Variants in RARB observed in about 807,000 individuals in gnomAD.
The protein encoded by RARB is HBV-activated protein.
In RARB, 17 loss-of-function variants were observed where a neutral mutation model predicts 51.9. That is an observed-to-expected ratio of 0.33 (90% CI 0.22 to 0.49). The LOEUF is 0.49. RARB is among the 20% of genes least tolerant of loss of function. RARB has a pLI of 0.99. For synonymous variants in RARB, 215 were observed against 195.4 expected, an observed-to-expected ratio of 1.10 and a Z score of -0.84; for missense variants, 369 against 550.8, an observed-to-expected ratio of 0.67 and a Z score of 3.30.
At chr3:25,281,546 A>C (rs894102052) in intron 5 of RARB, among the ~76,000 whole-genome samples, 2 of 152,214 alleles carry the variant, frequency 1.3e-5, no homozygotes, top group African/African-American at 4.8e-5. Context: ...TAACAAATAC[A>C]ATCAAAAGGA....
intron 3 of RARB, among the ~76,000 whole-genome samples, chr3:25,540,308 G>A (rs965527317): frequency 5.9e-5 from 9 of 152,158 alleles, no homozygotes; most frequent in African/African-American, 1.7e-4. Flanking sequence ...GAAGGAAAGC[G>A]GTTTAGGCTT....
intron 3 of RARB, among the ~76,000 whole-genome samples, chr3:25,506,001 C>G (rs1171834561): frequency 6.6e-6 from 1 of 152,030 alleles, no homozygotes; most frequent in Admixed American, 6.5e-5. Flanking sequence ...GAGTAAAGCC[C>G]TAGAAAGCCT....
At chr3:25,028,418 G>C (rs1697799201) in intron 2 of RARB, among the ~76,000 whole-genome samples, 2 of 152,166 alleles carry the variant, frequency 1.3e-5, no homozygotes, top group African/African-American at 4.8e-5. Flanking sequence ...TGTCACCTGG[G>C]AACTTGCCAG....
chr3:24,961,250 G>T (rs1696133374), intron 2 of RARB, among the ~76,000 whole-genome samples: 1 of 152,152 alleles, frequency 6.6e-6, no homozygotes, highest in African/African-American at 2.4e-5. Flanking sequence ...CATCTACTGT[G>T]CCAGGTACCC....
Position 24,860,247 on chromosome 3 carries a change from G to A in RARB, c.-380+1495G>A, listed in dbSNP as rs143984924. Among the ~76,000 whole-genome samples the A allele has an allele frequency of 3.3e-3, 503 of 152,272 alleles. 1 individual carries two copies. Among genetic ancestry groups the A allele is most frequent in the African/African-American group, 0.012 (482 of 41,550 alleles). ...ATTGAAGTCACCTGGCGCATCTTGG[G>A]TGTTGATTCTGATTGTTCTAGGAAT... On this transcript the variant is annotated intron_variant, in intron 2 of 11. Coordinates refer to the RARB transcript ENST00000383772.
chr3:25,286,565 T>C (rs78789840), intron 5 of RARB, among the ~76,000 whole-genome samples: 3,095 of 152,306 alleles, frequency 0.02, 41 homozygotes, highest in Admixed American at 0.034. Context: ...ATACACCCTG[T>C]TCAAAAATGT....
chr3:25,460,426 A>ATTTT (rs1695118785), intron 1 of RARB, among the ~76,000 whole-genome samples: 1 of 94,834 alleles, frequency 1.1e-5, no homozygotes, highest in African/African-American at 4.9e-5. Context: ...AAATTTTAAA[A>ATTTT]TTTTTATTTA....
At chr3:25,489,541 G>C (rs956410516) in intron 2 of RARB, among the ~76,000 whole-genome samples, 1 of 152,140 alleles carries the variant, frequency 6.6e-6, no homozygotes, top group African/African-American at 2.4e-5. Flanking sequence ...CACAAAAAAA[G>C]ATTGTTACAT....
At chr3:24,844,401 C>T (rs1009494876) in intron 1 of RARB, among the ~76,000 whole-genome samples, 3 of 152,194 alleles carry the variant, frequency 2.0e-5, no homozygotes, top group Non-Finnish European at 1.5e-5. Context: ...AATGGCACTG[C>T]ACCAGGATTA....
intron 2 of RARB, among the ~76,000 whole-genome samples, chr3:24,975,873 A>T (rs1047181982): frequency 2.0e-5 from 3 of 151,854 alleles, no homozygotes; most frequent in African/African-American, 7.3e-5. Flanking sequence ...GCACCCATCA[A>T]CTCGTCATTT....
intron 5 of RARB, among the ~76,000 whole-genome samples, chr3:25,349,510 C>A (rs1405255544): frequency 6.6e-6 from 1 of 152,116 alleles, no homozygotes; most frequent in African/African-American, 2.4e-5. Flanking sequence ...AATAGGTCAG[C>A]AGAAACATAT....
chr3:25,421,076 A>T (rs774699831), intron 5 of RARB, among the ~76,000 whole-genome samples: 9 of 151,364 alleles, frequency 5.9e-5, no homozygotes, highest in Non-Finnish European at 1.2e-4. Context: ...GGGGCTTGCC[A>T]ATTATTTCAT....
intron 5 of RARB, among the ~76,000 whole-genome samples, chr3:25,328,315 T>C (rs1704785178): frequency 1.3e-5 from 2 of 151,630 alleles, no homozygotes; most frequent in African/African-American, 2.4e-5. Context: ...AGGTGAGGAG[T>C]TCAAAACAAG....
chr3:24,832,805 C>T (rs919599676), intron 1 of RARB, among the ~76,000 whole-genome samples: 4 of 151,804 alleles, frequency 2.6e-5, no homozygotes, highest in Non-Finnish European at 4.4e-5. Flanking sequence ...TTACGAGAAC[C>T]TGATCCAGTT....
At chr3:25,249,714 A>T (rs1415730731) in intron 5 of RARB, among the ~76,000 whole-genome samples, 7 of 147,936 alleles carry the variant, frequency 4.7e-5, no homozygotes, top group African/African-American at 1.8e-4. Context: ...GCTGTAAACA[A>T]CATCAGTAGT....
intron 3 of RARB, among the ~76,000 whole-genome samples, chr3:25,520,181 A>G (rs1698345032): frequency 6.6e-6 from 1 of 152,224 alleles, no homozygotes; most frequent in African/African-American, 2.4e-5. Context: ...CCTTTAAGGA[A>G]AAAGTTTTGC....
At chr3:25,433,318 TG>T (rs1321217075) in intron 1 of RARB, among the ~76,000 whole-genome samples, 1 of 79,146 alleles carries the variant, frequency 1.3e-5, no homozygotes, top group Non-Finnish European at 2.7e-5. Context: ...AGTCTTTGTT[TG>T]GATTCTATAG....
At chr3:25,547,578 G>A (rs566697520) in intron 3 of RARB, among the ~76,000 whole-genome samples, 1 of 152,356 alleles carries the variant, frequency 6.6e-6, no homozygotes, top group African/African-American at 2.4e-5. Flanking sequence ...AGCAGGATGA[G>A]TTCAGTGGGT....
At chr3:25,437,805 C>G (rs1462683301) in intron 1 of RARB, among the ~76,000 whole-genome samples, 2 of 152,190 alleles carry the variant, frequency 1.3e-5, no homozygotes, top group African/African-American at 2.4e-5. Flanking sequence ...TGCACACCTT[C>G]CAAACTAGCT....
Sources: gnomAD v4.1 joint callset for allele counts (sites outside exome capture counted in the v4.1 genomes callset) on GRCh38, gnomAD v4.1.1 for gene constraint, MANE v1.5 for transcripts, NCBI Gene and HGNC (gene_info 2026-07-23, HGNC 2026-07-21) for gene names.